MITF: variants seen among roughly 807,000 people sequenced by gnomAD.
MITF encodes the protein microphthalmia-associated transcription factor.
MITF carries 17 observed loss-of-function variants against 60.5 expected under a neutral mutation model. The ratio of observed to expected loss-of-function variants is 0.28; its 90% CI spans 0.19 to 0.42. MITF has a LOEUF of 0.42. MITF is among the 10% of genes least tolerant of loss of function. The pLI is 1.00. For synonymous variants in MITF, 260 were observed against 248.5 expected (o/e 1.05, Z -0.43); for missense variants, 622 against 683.5 (o/e 0.91, Z 1.00).
At chr3:69,795,091 G>A (rs763581726) in intron 1 of MITF, among the ~76,000 whole-genome samples, 5 of 152,176 alleles carry the variant, frequency 3.3e-5, no homozygotes, top group African/African-American at 4.8e-5. Flanking sequence ...TTCAGTGGAT[G>A]ATGTATTTTC....
intron 9 of MITF, 93 bp from the exon 10 acceptor site, chr3:69,964,754 C>A: frequency 8.8e-7 from 1 of 1,137,424 alleles, no homozygotes; most frequent in Non-Finnish European, 1.3e-6. Context: ...TGACGCGCAT[C>A]TACCATTATA....
In MITF at chr3:69,949,084, G is replaced by A; in HGVS notation, c.796G>A (p.Gly266Arg). The stretch of plus-strand genomic sequence containing the variant: ...CTCGGGAAACTTGATTGATCTTTAT[G>A]GAAACCAAGGTCTGCCCCCACCAGG... Reference protein sequence around the residue: ...PVSGNLIDLYGNQGLPPPGLT... With the variant: ...PVSGNLIDLYRNQGLPPPGLT... Residue 266 changes from glycine to arginine, a missense_variant, in exon 6 of 10, where the codon GGA (glycine) becomes AGA (arginine). By Grantham distance (125) the Gly-to-Arg change is moderately radical (BLOSUM62 -2). Coordinates refer to ENST00000352241, the MANE Select transcript of MITF (RefSeq NM_001354604.2). 1 of 1,613,530 alleles carries A rather than the reference G, an allele frequency of 6.2e-7. No homozygotes were observed. The highest frequency in any genetic ancestry group is 1.1e-5 in the South Asian group (1 of 91,054).
intron 1 of MITF, among the ~76,000 whole-genome samples, chr3:69,753,583 A>G (rs1164814509): frequency 6.6e-6 from 1 of 152,230 alleles, no homozygotes; most frequent in African/African-American, 2.4e-5. Context: ...GAGCAGCTGC[A>G]GGGGCTGAAC....
chr3:69,804,377 A>G (rs958468267), intron 1 of MITF, among the ~76,000 whole-genome samples: 2 of 149,746 alleles, frequency 1.3e-5, no homozygotes, highest in African/African-American at 4.9e-5. Context: ...CTTTTCCTCA[A>G]CAGTTAATCT....
chr3:69,931,556 G>T (rs2065722849), intron 2 of MITF, among the ~76,000 whole-genome samples: 1 of 152,034 alleles, frequency 6.6e-6, no homozygotes, highest in African/African-American at 2.4e-5. Flanking sequence ...AGTCTATTCT[G>T]TTTTAACATC....
At chr3:69,952,618 A>T (rs904736143) in intron 7 of MITF, among the ~76,000 whole-genome samples, 2 of 152,116 alleles carry the variant, frequency 1.3e-5, no homozygotes, top group African/African-American at 2.4e-5. Flanking sequence ...CTCCTTATAA[A>T]AATGATAGAA....
chr3:69,853,897 G>T (rs1388246799), intron 1 of MITF, among the ~76,000 whole-genome samples: 2 of 138,072 alleles, frequency 1.4e-5, no homozygotes, highest in African/African-American at 5.5e-5. Context: ...GTCTCACTCT[G>T]TCGCCCAGGC....
At chr3:69,815,541 GCTTA>G (rs926714859) in intron 1 of MITF, among the ~76,000 whole-genome samples, 68 of 152,016 alleles carry the variant, frequency 4.5e-4, no homozygotes, top group African/African-American at 1.6e-3. Flanking sequence ...CTTTTCTCCG[GCTTA>G]CTTTATTGTA....
chr3:69,824,277 C>T (rs1011360427), intron 1 of MITF, among the ~76,000 whole-genome samples: 2 of 152,164 alleles, frequency 1.3e-5, no homozygotes, highest in Non-Finnish European at 2.9e-5. Flanking sequence ...GAGAAGAGAA[C>T]TGTTTTCCCT....
At chr3:69,944,976 C>A (rs1326863052) in intron 5 of MITF, among the ~76,000 whole-genome samples, 1 of 151,874 alleles carries the variant, frequency 6.6e-6, no homozygotes, top group African/African-American at 2.4e-5. Context: ...TGCTTTATTT[C>A]AAGTTAACTA....
intron 2 of MITF, among the ~76,000 whole-genome samples, chr3:69,921,512 A>G (rs2107431363): frequency 6.6e-6 from 1 of 152,322 alleles, no homozygotes; most frequent in African/African-American, 2.4e-5. Context: ...TTTATAGCAT[A>G]GCTTTTCCTG....
chr3:69,926,454 C>G (rs1478679341), intron 2 of MITF, among the ~76,000 whole-genome samples: 1 of 152,204 alleles, frequency 6.6e-6, no homozygotes, highest in East Asian at 1.9e-4. Flanking sequence ...AACTTGACCA[C>G]TGCCAGTTTC....
chr3:69,855,821 A>G (rs2107193656), intron 1 of MITF, among the ~76,000 whole-genome samples: 1 of 152,234 alleles, frequency 6.6e-6, no homozygotes, highest in African/African-American at 2.4e-5. Context: ...CGAAGCATCA[A>G]CCTGTAGCAT....
chr3:69,793,471 C>T (rs775655955), intron 1 of MITF, among the ~76,000 whole-genome samples: 32 of 152,198 alleles, frequency 2.1e-4, no homozygotes, highest in Non-Finnish European at 3.4e-4. Flanking sequence ...GAACACGTAG[C>T]GTCCCTGGCT....
At chr3:69,941,378 G>C in intron 5 of MITF, 47 bp downstream of exon 5, 3 of 1,256,910 alleles carry the variant, frequency 2.4e-6, no homozygotes, top group Non-Finnish European at 3.5e-6. Flanking sequence ...GTGTTTCCAG[G>C]GTTCTTTTCT....
chr3:69,890,288 C>T (rs763638387), intron 2 of MITF, among the ~76,000 whole-genome samples: 4 of 152,248 alleles, frequency 2.6e-5, no homozygotes, highest in Admixed American at 2.0e-4. Flanking sequence ...TGCCAATAGC[C>T]TTCCATTCAG....
At chr3:69,796,394 T>C (rs1461121125) in intron 1 of MITF, among the ~76,000 whole-genome samples, 1 of 152,206 alleles carries the variant, frequency 6.6e-6, no homozygotes, top group Non-Finnish European at 1.5e-5. Flanking sequence ...TTTTTTCTTT[T>C]AGTGCCTATG....
At chr3:69,792,998 C>CTTTTTTTTTTTTTTT in intron 1 of MITF, among the ~76,000 whole-genome samples, 1 of 31,094 alleles carries the variant, frequency 3.2e-5, no homozygotes, top group Non-Finnish European at 5.5e-5. Context: ...AAGTCTTTAG[C>CTTTTTTTTTTTTTTT]TTTTTTTTTT....
chr3:69,956,343 G>A, intron 7 of MITF, 112 bp from the exon 8 acceptor site: 3 of 838,752 alleles, frequency 3.6e-6, no homozygotes, highest in Non-Finnish European at 6.1e-6. Context: ...GTAGGTTCAG[G>A]TTTCCGTTGT....
Sources: allele counts gnomAD v4.1 joint callset (sites outside exome capture counted in the v4.1 genomes callset), GRCh38; gene constraint gnomAD v4.1.1; transcripts MANE v1.5; gene names NCBI Gene and HGNC (gene_info 2026-07-23, HGNC 2026-07-21).